ZHX2: variants seen among roughly 807,000 people sequenced by gnomAD.
ZHX2 encodes zinc fingers and homeoboxes protein 2.
In ZHX2, 6 loss-of-function variants were observed where a neutral mutation model predicts 21.9. The ratio of observed to expected loss-of-function variants is 0.27; its 90% CI spans 0.15 to 0.54. The LOEUF (loss-of-function observed/expected upper bound fraction) is 0.54, where lower values mean the gene tolerates loss of function less well. Ranked by LOEUF, ZHX2 falls within the 20% of genes least tolerant of loss-of-function variation. The pLI, the probability that ZHX2 is intolerant of heterozygous loss-of-function variation, is 0.95. For synonymous variants in ZHX2, 434 were observed against 437.1 expected, an observed-to-expected ratio of 0.99 and a Z score of 0.09; for missense variants, 908 against 1,090.7, an observed-to-expected ratio of 0.83 and a Z score of 2.36.
chr8:122,795,430 T>C (rs1817597656), intron 1 of ZHX2, among the ~76,000 whole-genome samples: 3 of 152,238 alleles, frequency 2.0e-5, no homozygotes, highest in African/African-American at 7.2e-5. Flanking sequence ...ACTTCCTCCC[T>C]TGGGCCTGGC....
At chr8:122,922,194 C>T (rs1820756085) in intron 2 of ZHX2, among the ~76,000 whole-genome samples, 1 of 150,060 alleles carries the variant, frequency 6.7e-6, no homozygotes, top group Admixed American at 6.7e-5. Context: ...CTGGGTCTTT[C>T]TTAGACTTCT....
chr8:122,780,783 C>A (rs568467913), upstream of ZHX2: 3 of 152,348 alleles, frequency 2.0e-5, no homozygotes, highest in African/African-American at 7.2e-5. Flanking sequence ...GACTTCTCTG[C>A]GAGCACCGCA....
chr8:122,875,831 A>G (rs986814280), intron 2 of ZHX2, among the ~76,000 whole-genome samples: 1 of 152,250 alleles, frequency 6.6e-6, no homozygotes, highest in Non-Finnish European at 1.5e-5. Flanking sequence ...TATCATTGCC[A>G]TCAGCTCTCC....
intron 1 of ZHX2, among the ~76,000 whole-genome samples, chr8:122,837,595 G>T (rs1563748702): frequency 6.6e-6 from 1 of 152,192 alleles, no homozygotes; most frequent in Non-Finnish European, 1.5e-5. Flanking sequence ...AGTGCTAATA[G>T]TGCAAATTCC....
At chr8:122,791,931 A>G (rs1267027221) in intron 1 of ZHX2, among the ~76,000 whole-genome samples, 1 of 152,096 alleles carries the variant, frequency 6.6e-6, no homozygotes, top group African/African-American at 2.4e-5. Context: ...TGCCATAGGT[A>G]TTATCATTAG....
At chr8:122,940,156 C>G (rs979578575) in intron 2 of ZHX2, among the ~76,000 whole-genome samples, 5 of 152,108 alleles carry the variant, frequency 3.3e-5, no homozygotes, top group African/African-American at 1.2e-4. Flanking sequence ...AAAGTGGACT[C>G]CTAGTAAGTA....
chr8:122,850,244 G>A (rs1462006542), intron 1 of ZHX2, among the ~76,000 whole-genome samples: 2 of 152,066 alleles, frequency 1.3e-5, no homozygotes, highest in Non-Finnish European at 2.9e-5. Context: ...TTCATGTTTT[G>A]ATGGGTGTGA....
At chr8:122,931,432 G>A (rs1459999464) in intron 2 of ZHX2, among the ~76,000 whole-genome samples, 1 of 152,166 alleles carries the variant, frequency 6.6e-6, no homozygotes, top group African/African-American at 2.4e-5. Flanking sequence ...AGAGCAGGTA[G>A]ATAATGTTGC....
chr8:122,886,392 T>G (rs73711231), intron 2 of ZHX2, among the ~76,000 whole-genome samples: 2,521 of 152,304 alleles, frequency 0.017, 62 homozygotes, highest in African/African-American at 0.057. Context: ...ACTGTCATGG[T>G]AGATACAGGA....
intron 3 of ZHX2, among the ~76,000 whole-genome samples, chr8:122,971,148 G>A (rs953311536): frequency 3.0e-4 from 45 of 152,256 alleles, no homozygotes; most frequent in African/African-American, 1.0e-3. Context: ...GAGATGAGCC[G>A]TATTACCACT....
chr8:122,926,173 T>C (rs776939637), intron 2 of ZHX2, among the ~76,000 whole-genome samples: 81 of 152,096 alleles, frequency 5.3e-4, no homozygotes, highest in Non-Finnish European at 1.6e-4. Context: ...AAAATATATA[T>C]AAATGCCTGG....
chr8:122,969,817 C>G (rs1032471531), intron 3 of ZHX2, among the ~76,000 whole-genome samples: 14 of 152,104 alleles, frequency 9.2e-5, no homozygotes, highest in African/African-American at 3.4e-4. Flanking sequence ...CTCCCAAGTC[C>G]CTAGGGCCCT....
At chr8:122,860,191 C>T (rs1258993144) in intron 1 of ZHX2, among the ~76,000 whole-genome samples, 1 of 152,216 alleles carries the variant, frequency 6.6e-6, no homozygotes, top group African/African-American at 2.4e-5. Context: ...ACCATCAGAT[C>T]TCGTGAGAAC....
rs1183576411 is a variant in ZHX2 at position 122,952,119 on chromosome 8, CGAG to C, written c.613_615del (p.Glu205del). On this transcript the variant is annotated inframe_deletion, in exon 3 of 4. Coordinates refer to ENST00000314393, the MANE Select transcript of ZHX2 (RefSeq NM_014943.5). The surrounding 1 kb of genome is among the most constrained non-coding windows in gnomAD (Gnocchi z 6.9). ...ATGCCAAGAAGGTGCCCAAGAAGCC[CGAG>C]GAGATCACCCCCGAGAACCACGTGG... 6.2e-7 allele frequency: 1 copy of C among 1,613,396 alleles called. No individual in the cohort carries two copies. Among genetic ancestry groups the C allele is most frequent in the African/African-American group, 1.3e-5 (1 of 74,680 alleles).
At chr8:122,955,287 C>G (rs771554878) in intron 3 of ZHX2, among the ~76,000 whole-genome samples, 51 of 152,084 alleles carry the variant, frequency 3.4e-4, no homozygotes, top group Non-Finnish European at 5.3e-4. Flanking sequence ...GAGGAAGATG[C>G]ACGATTTGCC....
chr8:122,973,147 A>T (rs949789394), intron 3 of ZHX2, 95 bp from the exon 4 acceptor site: 1 of 152,198 alleles, frequency 6.6e-6, no homozygotes, highest in Admixed American at 6.5e-5. Flanking sequence ...ACCCCAACCC[A>T]GGAGAGCCAG....
chr8:122,795,715 A>G (rs1315806645), intron 1 of ZHX2, among the ~76,000 whole-genome samples: 1 of 152,190 alleles, frequency 6.6e-6, no homozygotes, highest in Non-Finnish European at 1.5e-5. Context: ...AGAAATTTTT[A>G]TACTCATTTT....
intron 2 of ZHX2, among the ~76,000 whole-genome samples, chr8:122,944,626 C>G (rs1051796773): frequency 6.6e-6 from 1 of 152,132 alleles, no homozygotes; most frequent in Non-Finnish European, 1.5e-5. Flanking sequence ...GAGCTCTCCA[C>G]GAGCCGCAAT....
chr8:122,862,623 C>T (rs2130775784), intron 1 of ZHX2, among the ~76,000 whole-genome samples: 1 of 152,342 alleles, frequency 6.6e-6, no homozygotes, highest in East Asian at 1.9e-4. Context: ...ACTCAGTCAA[C>T]AGATCTGCCA....
Sources: allele counts gnomAD v4.1 joint callset (sites outside exome capture counted in the v4.1 genomes callset), GRCh38; gene constraint gnomAD v4.1.1; non-coding constraint Gnocchi (gnomAD v3.1); transcripts MANE v1.5; gene names NCBI Gene and HGNC (gene_info 2026-07-23, HGNC 2026-07-21).